Variants in CDH19 observed in about 807,000 individuals in gnomAD.
The protein encoded by CDH19 is cadherin-19.
Under a neutral mutation model 64.2 loss-of-function variants are expected in CDH19, and 67 were observed. The observed-to-expected ratio is 1.04, with a 90% CI of 0.86 to 1.28. The LOEUF (loss-of-function observed/expected upper bound fraction) is 1.28, where lower values mean the gene tolerates loss of function less well. CDH19 is among the 50% of genes most tolerant of loss of function. The pLI, the probability that CDH19 is intolerant of heterozygous loss-of-function variation, is 0.00. For synonymous variants in CDH19, 346 were observed against 319.3 expected, an observed-to-expected ratio of 1.08 and a Z score of -0.89; for missense variants, 1,030 against 929.0, an observed-to-expected ratio of 1.11 and a Z score of -1.41.
rs1986347923 is a variant in CDH19, at chr18:66,529,393, G to A, written c.1458+452C>T. 1.3e-5 allele frequency among the ~76,000 whole-genome samples: 2 copies of A among 149,866 alleles called. 1 individual carries two copies. The highest frequency in any genetic ancestry group is 1.3e-4 in the Admixed American group (2 of 15,046). On this transcript the variant is annotated intron_variant, in intron 9 of 11. Coordinates refer to ENST00000262150, the MANE Select transcript of CDH19 (RefSeq NM_021153.4). ...TAATTTTTTTAATTGTATTGGCAAA[G>A]TATAAATGAACTACTGAATAATAAA...
Position 66,524,569 on chromosome 18 carries a change from T to TAA in CDH19, c.1458+5274_1458+5275dup, listed in dbSNP as rs1555684717. On this transcript the variant is annotated intron_variant, in intron 9 of 11. Coordinates refer to ENST00000262150, the MANE Select transcript of CDH19 (RefSeq NM_021153.4). ...ATATATATATATATATATATATATA[T>TAA]AAACATCATCATGCACCATAAATAT... Among the ~76,000 whole-genome samples the TAA allele has an allele frequency of 6.0e-4, 81 of 135,158 alleles. 2 individuals carry two copies. Among genetic ancestry groups the TAA allele is most frequent in the South Asian group, 1.8e-3 (7 of 3,970 alleles). The allele number at this position is 135,158 out of a possible 152,430, so 88.7% of individuals were successfully genotyped here.
At chr18:66,592,992 A>G (rs1988786209) in intron 1 of CDH19, among the ~76,000 whole-genome samples, 1 of 151,922 alleles carries the variant, frequency 6.6e-6, no homozygotes, top group Non-Finnish European at 1.5e-5. Flanking sequence ...ACTGTTTTAC[A>G]TAATGGCTGT....
intron 5 of CDH19, among the ~76,000 whole-genome samples, chr18:66,545,975 T>G (rs1987101898): frequency 6.6e-6 from 1 of 152,004 alleles, no homozygotes; most frequent in Non-Finnish European, 1.5e-5. Context: ...CAGGAGTAAC[T>G]TGTGTAAAAC....
intron 1 of CDH19, among the ~76,000 whole-genome samples, chr18:66,573,658 A>G (rs1223767895): frequency 6.6e-6 from 1 of 151,580 alleles, no homozygotes; most frequent in Non-Finnish European, 1.5e-5. Flanking sequence ...GCAAATTATT[A>G]CCAACACTGA....
At chr18:66,544,565 A>C (rs1049882780) in intron 6 of CDH19, among the ~76,000 whole-genome samples, 154 bp downstream of exon 6, 2 of 152,074 alleles carry the variant, frequency 1.3e-5, no homozygotes, top group African/African-American at 4.8e-5. Flanking sequence ...CTCTGTAATA[A>C]CTCTCTCATC....
intron 5 of CDH19, among the ~76,000 whole-genome samples, chr18:66,549,513 T>G (rs1489522673): frequency 6.6e-6 from 1 of 152,144 alleles, no homozygotes; most frequent in East Asian, 1.9e-4. Flanking sequence ...AGACAACATA[T>G]GTATCATATA....
At chr18:66,584,804 T>C (rs1599035894) in intron 1 of CDH19, among the ~76,000 whole-genome samples, 1 of 152,126 alleles carries the variant, frequency 6.6e-6, no homozygotes, top group African/African-American at 2.4e-5. Context: ...AATATTTTCA[T>C]GTTTTTCTAA....
At chr18:66,513,479 T>C (rs1308368472) in intron 9 of CDH19, among the ~76,000 whole-genome samples, 1 of 151,478 alleles carries the variant, frequency 6.6e-6, no homozygotes, top group African/African-American at 2.4e-5. Context: ...ATGAGTCATA[T>C]ATCAAGTATT....
chr18:66,566,494 G>A (rs1302377013), intron 3 of CDH19, among the ~76,000 whole-genome samples: 10 of 151,558 alleles, frequency 6.6e-5, no homozygotes, highest in Admixed American at 5.3e-4. Context: ...TTTTCTCCCT[G>A]TGGCGTAACA....
intron 1 of CDH19, among the ~76,000 whole-genome samples, chr18:66,592,458 G>A (rs1420562816): frequency 2.6e-5 from 4 of 151,704 alleles, no homozygotes; most frequent in African/African-American, 7.2e-5. Context: ...TCACTGTACA[G>A]TGCTATAGAA....
intron 3 of CDH19, among the ~76,000 whole-genome samples, chr18:66,559,731 T>G (rs1336637031): frequency 6.6e-6 from 1 of 150,796 alleles, no homozygotes; most frequent in African/African-American, 2.4e-5. Context: ...CTATTTTAGT[T>G]AAATATATAA....
intron 11 of CDH19, among the ~76,000 whole-genome samples, chr18:66,506,377 T>G (rs1985198145): frequency 6.6e-6 from 1 of 151,998 alleles, no homozygotes; most frequent in Admixed American, 6.6e-5. Flanking sequence ...TTATGCTGAC[T>G]TGAGCATTAT....
chr18:66,532,734 A>AGACT (rs1237013717), intron 8 of CDH19: 1 of 451,810 alleles, frequency 2.2e-6, no homozygotes, highest in Non-Finnish European at 4.5e-6. Context: ...GAAGGATAGG[A>AGACT]GACTCATTTT....
intron 11 of CDH19, among the ~76,000 whole-genome samples, chr18:66,506,195 G>A (rs763780959): frequency 1.3e-4 from 20 of 151,934 alleles, no homozygotes; most frequent in Non-Finnish European, 2.6e-4. Flanking sequence ...GCTGAAGAGA[G>A]GTTATTCAAT....
chr18:66,586,277 C>T (rs1457583464), intron 1 of CDH19, among the ~76,000 whole-genome samples: 1 of 151,842 alleles, frequency 6.6e-6, no homozygotes, highest in African/African-American at 2.4e-5. Context: ...CCAAACCTTT[C>T]CCAAAACAAA....
intron 8 of CDH19, among the ~76,000 whole-genome samples, chr18:66,533,076 G>C (rs1359435657): frequency 6.6e-6 from 1 of 151,882 alleles, no homozygotes; most frequent in Non-Finnish European, 1.5e-5. Context: ...TTTTCTCTCT[G>C]TTCTACCTTT....
intron 1 of CDH19, among the ~76,000 whole-genome samples, chr18:66,590,582 G>C (rs561303605): frequency 1.3e-5 from 2 of 151,022 alleles, no homozygotes; most frequent in African/African-American, 2.4e-5. Flanking sequence ...TTATAGAACA[G>C]TGTTTTTCAA....
intron 9 of CDH19, among the ~76,000 whole-genome samples, chr18:66,520,703 C>G (rs1355719555): frequency 6.6e-6 from 1 of 152,010 alleles, no homozygotes. Flanking sequence ...ACCTTATAAT[C>G]ACATCACAAA....
At chr18:66,579,979 C>T (rs1988378803) in intron 1 of CDH19, among the ~76,000 whole-genome samples, 1 of 151,914 alleles carries the variant, frequency 6.6e-6, no homozygotes, top group Non-Finnish European at 1.5e-5. Context: ...GGAAGATAGG[C>T]AAAACCATTG....
Sources: gnomAD v4.1 joint callset for allele counts (sites outside exome capture counted in the v4.1 genomes callset) on GRCh38, gnomAD v4.1.1 for gene constraint, MANE v1.5 for transcripts, NCBI Gene and HGNC (gene_info 2026-07-23, HGNC 2026-07-21) for gene names.